The following KCNH5 variants were observed in gnomAD, a reference collection of about 807,000 sequenced individuals.
KCNH5 encodes potassium voltage-gated channel subfamily H member 5.
Under a neutral mutation model 96.1 loss-of-function variants are expected in KCNH5, and 46 were observed. That is an observed-to-expected ratio of 0.48 (90% CI 0.38 to 0.61). The LOEUF (loss-of-function observed/expected upper bound fraction) is 0.61. Ranked by LOEUF, KCNH5 falls within the 20% of genes least tolerant of loss-of-function variation. The pLI is 0.00. For synonymous variants in KCNH5, 439 were observed against 449.8 expected, an observed-to-expected ratio of 0.98 and a Z score of 0.30; for missense variants, 907 against 1,225.8, an observed-to-expected ratio of 0.74 and a Z score of 3.88.
At position 63,036,285 on chromosome 14, in the gene KCNH5, T is replaced by C. The variant is rs1245855822; in HGVS notation, c.73+8829A>G. 2.6e-5 allele frequency among the ~76,000 whole-genome samples: 4 copies of C among 152,186 alleles called. No individual in the cohort carries two copies. The East Asian group carries it at 5.8e-4, about 22-fold the overall frequency. On this transcript the variant is annotated intron_variant, in intron 1 of 10. Coordinates refer to ENST00000322893, the MANE Select transcript of KCNH5 (RefSeq NM_139318.5). ...CTGTATATGATGTCAGTTATGAACATGCTTCATGTCTTAAGATGAGTCAGT... is the reference window on the plus strand; with the variant it reads ...CTGTATATGATGTCAGTTATGAACACGCTTCATGTCTTAAGATGAGTCAGT...
intron 6 of KCNH5, among the ~76,000 whole-genome samples, chr14:62,971,081 T>C (rs1179663628): frequency 6.6e-6 from 1 of 152,068 alleles, no homozygotes; most frequent in Non-Finnish European, 1.5e-5. Context: ...TCACAGATGA[T>C]TATCCATGAG....
intron 7 of KCNH5, among the ~76,000 whole-genome samples, chr14:62,879,259 G>A (rs545929760): frequency 1.3e-4 from 20 of 152,226 alleles, no homozygotes; most frequent in African/African-American, 4.8e-4. Flanking sequence ...ATGCATTGCT[G>A]GTAGGAATGC....
chr14:62,799,182 G>T (rs1258455267), intron 9 of KCNH5, among the ~76,000 whole-genome samples: 2 of 152,040 alleles, frequency 1.3e-5, no homozygotes, highest in East Asian at 3.9e-4. Flanking sequence ...ATGTTATAGA[G>T]CATAAACCAC....
At chr14:63,032,443 C>T (rs372438603) in intron 1 of KCNH5, among the ~76,000 whole-genome samples, 3 of 152,186 alleles carry the variant, frequency 2.0e-5, no homozygotes, top group Admixed American at 6.6e-5. Flanking sequence ...TCAAAGAACA[C>T]ACATTCCAAA....
chr14:62,959,908 T>C (rs1477625600), intron 6 of KCNH5, among the ~76,000 whole-genome samples: 3 of 152,138 alleles, frequency 2.0e-5, no homozygotes, highest in African/African-American at 7.2e-5. Flanking sequence ...TTAAACCTAT[T>C]CAATCTGTTC....
chr14:62,974,568 T>C (rs891739328), intron 6 of KCNH5, among the ~76,000 whole-genome samples: 4 of 152,216 alleles, frequency 2.6e-5, no homozygotes, highest in African/African-American at 9.6e-5. Context: ...AAGAATCACA[T>C]ATTCAGTTCA....
chr14:62,774,114 G>C (rs1465871274), intron 10 of KCNH5, among the ~76,000 whole-genome samples: 1 of 152,118 alleles, frequency 6.6e-6, no homozygotes, highest in African/African-American at 2.4e-5. Context: ...TTAGCAAAGG[G>C]AAAAGGGGCA....
intron 10 of KCNH5, among the ~76,000 whole-genome samples, chr14:62,724,167 G>C (rs1054370390): frequency 6.6e-6 from 1 of 152,190 alleles, no homozygotes; most frequent in African/African-American, 2.4e-5. Flanking sequence ...ATTAGAAATA[G>C]CACTGGTTAT....
chr14:62,762,087 T>C (rs781743491), intron 10 of KCNH5, among the ~76,000 whole-genome samples: 23 of 152,078 alleles, frequency 1.5e-4, no homozygotes, highest in Non-Finnish European at 3.1e-4. Flanking sequence ...CTGACAGAGA[T>C]TGCTGCTTGG....
At chr14:62,790,373 G>T (rs1886408492) in intron 9 of KCNH5, among the ~76,000 whole-genome samples, 1 of 151,498 alleles carries the variant, frequency 6.6e-6, no homozygotes, top group African/African-American at 2.4e-5. Context: ...ATTGCTTTTT[G>T]TCTATTTGGG....
intron 9 of KCNH5, among the ~76,000 whole-genome samples, chr14:62,786,096 A>G (rs1595621765): frequency 6.6e-6 from 1 of 152,012 alleles, no homozygotes; most frequent in Admixed American, 6.6e-5. Flanking sequence ...GAGGCTGAGG[A>G]AGGAGAATGG....
At chr14:62,712,845 C>T (rs1197907689) in intron 10 of KCNH5, 1 of 673,104 alleles carries the variant, frequency 1.5e-6, no homozygotes, top group Non-Finnish European at 2.7e-6. Flanking sequence ...AGCCAGTAGG[C>T]TTAAACACAT....
At chr14:62,817,779 AAT>A (rs1209539063) in intron 8 of KCNH5, among the ~76,000 whole-genome samples, 1,480 of 144,012 alleles carry the variant, frequency 0.01, 7 homozygotes, top group Middle Eastern at 0.022. Context: ...ATATTCTAGG[AAT>A]ATATATATAT....
intron 8 of KCNH5, among the ~76,000 whole-genome samples, chr14:62,835,079 T>C (rs1220539682): frequency 6.6e-6 from 1 of 152,028 alleles, no homozygotes; most frequent in African/African-American, 2.4e-5. Flanking sequence ...TTTAGACAAA[T>C]GTGTTTATTT....
At chr14:62,991,798 G>A (rs894923229) in intron 4 of KCNH5, among the ~76,000 whole-genome samples, 6 of 151,846 alleles carry the variant, frequency 4.0e-5, no homozygotes, top group Non-Finnish European at 8.8e-5. Flanking sequence ...AAATGTTATT[G>A]AAAAAAGCAG....
chr14:62,783,425 T>G (rs1421777489), intron 9 of KCNH5, among the ~76,000 whole-genome samples: 1 of 152,238 alleles, frequency 6.6e-6, no homozygotes, highest in Non-Finnish European at 1.5e-5. Flanking sequence ...CTTTTCCTTT[T>G]TATCCTCTTT....
At chr14:62,843,452 C>T (rs1343562330) in intron 8 of KCNH5, among the ~76,000 whole-genome samples, 3 of 143,130 alleles carry the variant, frequency 2.1e-5, no homozygotes, top group Admixed American at 7.4e-5. Flanking sequence ...CACTCTGTTG[C>T]CCAGGCTGGA....
At chr14:62,939,940 CA>C (rs201946805) in intron 7 of KCNH5, among the ~76,000 whole-genome samples, 3 of 147,994 alleles carry the variant, frequency 2.0e-5, no homozygotes, top group Non-Finnish European at 4.5e-5. Flanking sequence ...AAATCTGCCT[CA>C]AAAAAAAAAT....
chr14:63,026,428 C>T (rs3906693), intron 1 of KCNH5, among the ~76,000 whole-genome samples: 43,576 of 151,748 alleles, frequency 0.29, 7,427 homozygotes, highest in East Asian at 0.57. Flanking sequence ...AGAGACAACC[C>T]ATGGAGTAAT....
Sources: allele counts gnomAD v4.1 joint callset (sites outside exome capture counted in the v4.1 genomes callset), GRCh38; gene constraint gnomAD v4.1.1; transcripts MANE v1.5; gene names NCBI Gene and HGNC (gene_info 2026-07-23, HGNC 2026-07-21).